ST7: variants seen among roughly 807,000 people sequenced by gnomAD.
ST7 encodes suppression of tumorigenicity 7.
Under a neutral mutation model 78.7 loss-of-function variants are expected in ST7, and 28 were observed. The observed-to-expected ratio is 0.36, with a 90% CI of 0.26 to 0.49. The LOEUF is 0.49. Among genes scored for constraint, ST7 ranks in the 20% least tolerant of loss-of-function variants. The pLI is 0.99. For missense variants in ST7, 418 were observed against 696.0 expected, an observed-to-expected ratio of 0.60 and a Z score of 4.49; for synonymous variants, 247 against 249.6, an observed-to-expected ratio of 0.99 and a Z score of 0.10.
At chr7:117,030,346 AT>A (rs1213992758) in intron 1 of ST7, among the ~76,000 whole-genome samples, 1 of 152,234 alleles carries the variant, frequency 6.6e-6, no homozygotes, top group African/African-American at 2.4e-5. Context: ...TTAGTAAAGC[AT>A]CATTAATTTG....
At chr7:117,138,716 T>G (rs1449222780) in intron 9 of ST7, among the ~76,000 whole-genome samples, 184 bp downstream of exon 9, 1 of 152,178 alleles carries the variant, frequency 6.6e-6, no homozygotes, top group Non-Finnish European at 1.5e-5. Context: ...TTACTCAGCT[T>G]CTCTTTGCCC....
chr7:117,063,620 G>A (rs1380966190), intron 1 of ST7, among the ~76,000 whole-genome samples: 1 of 152,056 alleles, frequency 6.6e-6, no homozygotes, highest in Non-Finnish European at 1.5e-5. Context: ...GAAGTGGGAG[G>A]ATCATCTGAG....
At chr7:117,151,989 C>T (rs1806280589) in intron 9 of ST7, among the ~76,000 whole-genome samples, 1 of 151,316 alleles carries the variant, frequency 6.6e-6, no homozygotes, top group Non-Finnish European at 1.5e-5. Flanking sequence ...TGTGGTGGCA[C>T]ATGCCTGTAG....
intron 12 of ST7, among the ~76,000 whole-genome samples, chr7:117,196,536 A>T (rs756317158): frequency 1.2e-4 from 18 of 148,444 alleles, no homozygotes; most frequent in Non-Finnish European, 2.2e-4. Context: ...ATCTTTTCAT[A>T]TACCAGTTGG....
chr7:117,003,026 G>C (rs1795010512), intron 1 of ST7, among the ~76,000 whole-genome samples: 2 of 151,772 alleles, frequency 1.3e-5, no homozygotes, highest in African/African-American at 4.8e-5. Flanking sequence ...TTTTCACCAT[G>C]TTGGCCAGGC....
intron 13 of ST7, among the ~76,000 whole-genome samples, chr7:117,216,634 C>CCTA (rs1385935434): frequency 6.6e-6 from 1 of 152,116 alleles, no homozygotes; most frequent in Non-Finnish European, 1.5e-5. Context: ...TTGTGCAGTG[C>CCTA]CTCTACCGGC....
At chr7:117,054,714 C>T (rs543228736) in intron 1 of ST7, among the ~76,000 whole-genome samples, 5 of 152,282 alleles carry the variant, frequency 3.3e-5, no homozygotes, top group African/African-American at 7.2e-5. Flanking sequence ...CTAAGTTCTA[C>T]GTGAGCATTT....
intron 10 of ST7, among the ~76,000 whole-genome samples, chr7:117,182,014 A>T (rs1808807706): frequency 6.6e-6 from 1 of 152,216 alleles, no homozygotes; most frequent in South Asian, 2.1e-4. Flanking sequence ...CAGACATATC[A>T]TTGCAGACTG....
At chr7:117,192,312 A>G (rs1486145130) in intron 12 of ST7, among the ~76,000 whole-genome samples, 1 of 152,182 alleles carries the variant, frequency 6.6e-6, no homozygotes, top group Non-Finnish European at 1.5e-5. Context: ...CTCTTTTAGA[A>G]GTAGTATTGA....
intron 9 of ST7, among the ~76,000 whole-genome samples, chr7:117,161,591 C>CTTTTTTTTTTTTTTTTTTTTTT (rs60505994): frequency 1.8e-5 from 2 of 113,594 alleles, no homozygotes; most frequent in Non-Finnish European, 3.4e-5. Flanking sequence ...TTCTTTCTTT[C>CTTTTTTTTTTTTTTTTTTTTTT]TTTTTTTTTT....
intron 1 of ST7, among the ~76,000 whole-genome samples, chr7:117,084,143 G>A (rs944576376): frequency 6.6e-6 from 1 of 152,150 alleles, no homozygotes; most frequent in Non-Finnish European, 1.5e-5. Context: ...ATGACCTAGG[G>A]AATAGCACTT....
chr7:117,133,991 C>G, intron 6 of ST7, 133 bp from the exon 7 acceptor site: 1 of 1,165,304 alleles, frequency 8.6e-7, no homozygotes, highest in South Asian at 1.6e-5. Context: ...TTGAATCATG[C>G]CTCTTTTCTT....
intron 12 of ST7, among the ~76,000 whole-genome samples, chr7:117,205,621 G>A (rs553731390): frequency 3.9e-5 from 6 of 152,280 alleles, no homozygotes; most frequent in African/African-American, 1.4e-4. Flanking sequence ...CATCTCTTCA[G>A]CAGTTTCCCT....
At chr7:117,119,761 G>C (rs771296846) in intron 3 of ST7, 41 bp downstream of exon 3, 1 of 1,589,600 alleles carries the variant, frequency 6.3e-7, no homozygotes. Context: ...TTTGCTTACT[G>C]TTACTAAATT....
chr7:117,130,577 A>T lies in ST7; in HGVS notation c.536A>T (p.Asp179Val). Residue 179 changes from aspartate (D) to valine (V), a missense_variant, in exon 5 of 16, where the codon GAC becomes GTC. By Grantham distance (152) the Asp-to-Val change is radical. Around this residue, in one of 4 missense-constraint regions of ST7, gnomAD observed 288 missense variants for 537.1 expected, o/e 0.54. Transcript: ENST00000323984. ...AQDHQTFFTC[D>V]SDHLRPADAI... The stretch of plus-strand genomic sequence containing the variant: ...GACCACCAGACATTCTTTACTTGTG[A>T]CTCGGACCATCTGCGTCCCGCAGAT... 1.2e-6 allele frequency: 2 copies of T among 1,611,048 alleles called. No homozygotes were observed. Among genetic ancestry groups the T allele is most frequent in the Non-Finnish European group, 1.7e-6 (2 of 1,178,198 alleles).
At chr7:117,172,246 T>C (rs774265488) in intron 10 of ST7, among the ~76,000 whole-genome samples, 5 of 152,152 alleles carry the variant, frequency 3.3e-5, no homozygotes, top group Non-Finnish European at 1.5e-5. Context: ...CACCTGGCCA[T>C]TGGGTCTTAT....
intron 2 of ST7, chr7:117,112,143 C>T (rs1369670263): frequency 6.6e-6 from 1 of 151,530 alleles, no homozygotes; most frequent in Non-Finnish European, 1.5e-5. Context: ...TTTTAAGAGG[C>T]ATCCAGAGCA....
At chr7:117,040,727 G>A (rs1039131061) in intron 1 of ST7, among the ~76,000 whole-genome samples, 1 of 152,108 alleles carries the variant, frequency 6.6e-6, no homozygotes, top group East Asian at 1.9e-4. Flanking sequence ...ATTCCTCTTG[G>A]GAAAAACATT....
intron 13 of ST7, among the ~76,000 whole-genome samples, chr7:117,218,247 T>C (rs1026693510): frequency 3.3e-5 from 5 of 152,204 alleles, no homozygotes; most frequent in African/African-American, 9.6e-5. Flanking sequence ...ATATTTTATA[T>C]CTACAGCAGG....
Sources: gnomAD v4.1 joint callset for allele counts (sites outside exome capture counted in the v4.1 genomes callset) on GRCh38, gnomAD v4.1.1 for gene constraint, gnomAD v4.1.1 regional missense constraint, MANE v1.5 for transcripts, NCBI Gene and HGNC (gene_info 2026-07-23, HGNC 2026-07-21) for gene names.